Variants in GABBR2 observed in about 807,000 individuals in gnomAD.
The protein encoded by GABBR2 is G-protein coupled receptor 51.
GABBR2 carries 23 observed loss-of-function variants against 105.6 expected under a neutral mutation model. The observed-to-expected ratio is 0.22, with a 90% CI of 0.16 to 0.31. The LOEUF (loss-of-function observed/expected upper bound fraction) is 0.31, where lower values mean the gene tolerates loss of function less well. GABBR2 is among the 10% of genes least tolerant of loss of function. The pLI, the probability that GABBR2 is intolerant of heterozygous loss-of-function variation, is 1.00. For synonymous variants in GABBR2, 478 were observed against 499.7 expected (o/e 0.96, Z 0.58); for missense variants, 734 against 1,245.5 (o/e 0.59, Z 6.18).
chr9:98,517,194 C>A (rs1239897175), intron 3 of GABBR2, among the ~76,000 whole-genome samples: 1 of 152,222 alleles, frequency 6.6e-6, no homozygotes, highest in Non-Finnish European at 1.5e-5. Flanking sequence ...GCCTTCTGGT[C>A]TCTATTTGGG....
chr9:98,624,041 G>A (rs983665421), intron 1 of GABBR2, among the ~76,000 whole-genome samples: 1 of 152,178 alleles, frequency 6.6e-6, no homozygotes, highest in African/African-American at 2.4e-5. Flanking sequence ...CAAGCCCTCC[G>A]TCTGTCCTGT....
At position 98,536,199 on chromosome 9, in the gene GABBR2, G is replaced by A. The variant is rs947776365; in HGVS notation, c.630+5674C>T. Among the ~76,000 whole-genome samples the A allele has an allele frequency of 2.0e-5, 3 of 152,156 alleles. No individual in the cohort carries two copies. The East Asian group carries it at 5.8e-4, about 29-fold the overall frequency. ...GCACAAAGAGGCAAGTAATTCTCATGACCATGTCCCTGGGAGTGGCAGGAT... is the reference window on the plus strand; with the variant it reads ...GCACAAAGAGGCAAGTAATTCTCATAACCATGTCCCTGGGAGTGGCAGGAT... On this transcript the variant is annotated intron_variant, in intron 3 of 18. Transcript: ENST00000259455.
Position 98,483,974 on chromosome 9 carries a change from A to C in GABBR2, c.733-2977T>G, listed in dbSNP as rs571348618. On this transcript the variant is annotated intron_variant, in intron 4 of 18. Transcript: ENST00000259455. ...TCAACAAATATGTGTTGAATGCACG[A>C]TGAAGTGAATTAATCCAGTGTGCAG... 3.3e-5 allele frequency among the ~76,000 whole-genome samples: 5 copies of C among 152,342 alleles called. No homozygotes were observed. In the East Asian group the frequency reaches 9.7e-4, roughly 29 times the overall value.
chr9:98,329,349 C>T (rs775547831), intron 13 of GABBR2, among the ~76,000 whole-genome samples: 28 of 152,146 alleles, frequency 1.8e-4, no homozygotes, highest in African/African-American at 6.3e-4. Context: ...TTTCTTGGGT[C>T]GTTTCCGGCT....
chr9:98,349,344 GTTTTGTTTTTTTT>G lies in GABBR2; in HGVS notation c.1893+13358_1893+13370del, dbSNP rs1396436196. On this transcript the variant is annotated intron_variant, in intron 13 of 18. Transcript: ENST00000259455. ...TTTGGTTTGCCAATATTTTGTTGAA[GTTTTGTTTTTTTT>G]TTTTTTTTTTTTTTTTTTTTTTCGG... Among the ~76,000 whole-genome samples, 172 of 105,476 alleles carry G rather than the reference GTTTTGTTTTTTTT, an allele frequency of 1.6e-3. 11 individuals are homozygous for G. The highest frequency in any genetic ancestry group is 6.2e-3 in the African/African-American group (155 of 24,926). 69.2% of individuals were successfully genotyped at this position (105,476 alleles called of 152,430 possible).
rs778577033 is a variant in GABBR2, at chr9:98,385,649, T to C, written c.1653A>G (p.Thr551=). 6.2e-5 allele frequency: 100 copies of C among 1,613,510 alleles called. No individual in the cohort carries two copies. In the East Asian group the frequency reaches 2.0e-3, roughly 32 times the overall value. ...ATGCAGAATGACTTACGGTGCAAAG[T>C]GTTTCAAAGGTCTTTTCAGAGACAA... is the stretch of plus-strand genomic sequence containing the variant. ...GSFVSEKTFE[T]LCTVRTWILT... Residue 551 remains threonine (T), a synonymous_variant, in exon 11 of 19, where the codon ACA becomes ACG. Coordinates refer to ENST00000259455, the MANE Select transcript of GABBR2 (RefSeq NM_005458.8).
intron 7 of GABBR2, among the ~76,000 whole-genome samples, chr9:98,406,360 G>A (rs1026683809): frequency 6.6e-6 from 1 of 152,238 alleles, no homozygotes; most frequent in African/African-American, 2.4e-5. Context: ...AATCAATAAT[G>A]GAACTAACAC....
chr9:98,572,544 C>T (rs1164972842), intron 2 of GABBR2, among the ~76,000 whole-genome samples: 1 of 152,192 alleles, frequency 6.6e-6, no homozygotes, highest in Non-Finnish European at 1.5e-5. Context: ...ATCCCTTGGG[C>T]ACCTGTAGAC....
chr9:98,290,012 G>A lies in GABBR2; in HGVS notation c.*572C>T, dbSNP rs541947245. ...CGCAGCCCTCGGCCTGCCTGCTCCA[G>A]GGCTGTGCCTGTCTGCGCTCCTGCA... is the stretch of plus-strand genomic sequence containing the variant. On this transcript the variant is annotated 3_prime_UTR_variant, in exon 19 of 19. Coordinates refer to ENST00000259455, the MANE Select transcript of GABBR2 (RefSeq NM_005458.8). 6.6e-6 allele frequency: 1 copy of A among 152,488 alleles called. No homozygotes were observed. The highest frequency in any genetic ancestry group is 1.5e-5 in the Non-Finnish European group (1 of 68,116). The allele number at this position is 152,488 out of a possible 1,614,324, so 9.4% of individuals were successfully genotyped here.
intron 1 of GABBR2, among the ~76,000 whole-genome samples, chr9:98,625,041 C>T (rs550867784): frequency 4.6e-5 from 7 of 152,276 alleles, no homozygotes; most frequent in East Asian, 3.9e-4. Context: ...TGGCCACCTA[C>T]ACTCAGGAAG....
chr9:98,530,572 G>T (rs1828047510), intron 3 of GABBR2, among the ~76,000 whole-genome samples: 1 of 152,176 alleles, frequency 6.6e-6, no homozygotes, highest in African/African-American at 2.4e-5. Context: ...GAGCCCAGAA[G>T]TTCGAGACCA....
intron 13 of GABBR2, among the ~76,000 whole-genome samples, chr9:98,335,114 C>A (rs1831090361): frequency 6.6e-6 from 1 of 152,158 alleles, no homozygotes; most frequent in African/African-American, 2.4e-5. Context: ...GAAATAGAAA[C>A]CTCATAGAAA....
chr9:98,308,077 T>C (rs1019746955), intron 14 of GABBR2, among the ~76,000 whole-genome samples: 1 of 152,120 alleles, frequency 6.6e-6, no homozygotes, highest in African/African-American at 2.4e-5. Flanking sequence ...CTACTAAAAA[T>C]ATAAAAATTA....
chr9:98,565,529 G>A (rs1254037939), intron 2 of GABBR2, among the ~76,000 whole-genome samples: 2 of 152,184 alleles, frequency 1.3e-5, no homozygotes, highest in Non-Finnish European at 2.9e-5. Context: ...CCCACAAGGA[G>A]CAAGAGATAT....
chr9:98,452,184 C>T (rs1281072310), intron 7 of GABBR2, among the ~76,000 whole-genome samples: 3 of 152,244 alleles, frequency 2.0e-5, no homozygotes, highest in Non-Finnish European at 2.9e-5. Flanking sequence ...ATATAAGCCT[C>T]AGCACAGGCA....
At chr9:98,683,526 C>T (rs1830576897) in intron 1 of GABBR2, among the ~76,000 whole-genome samples, 2 of 152,166 alleles carry the variant, frequency 1.3e-5, no homozygotes, top group Non-Finnish European at 2.9e-5. Context: ...AAGCTCTCTA[C>T]AAATGTCCGA....
intron 2 of GABBR2, among the ~76,000 whole-genome samples, chr9:98,550,232 G>A (rs1028278170): frequency 1.2e-4 from 18 of 152,116 alleles, no homozygotes; most frequent in African/African-American, 4.1e-4. Context: ...TAAGAAAACC[G>A]AGGCTTAGAG....
chr9:98,542,673 C>T (rs1282927946), intron 2 of GABBR2, among the ~76,000 whole-genome samples: 1 of 152,104 alleles, frequency 6.6e-6, no homozygotes, highest in Non-Finnish European at 1.5e-5. Context: ...TTCCAAAAAA[C>T]ATTTTATCGG....
Position 98,611,408 on chromosome 9 carries a change from A to G in GABBR2, c.322-33336T>C, listed in dbSNP as rs150986964. On this transcript the variant is annotated intron_variant, in intron 1 of 18. Coordinates refer to ENST00000259455, the MANE Select transcript of GABBR2 (RefSeq NM_005458.8). ...ACTATTTCCTACTTGAGCTTCTCCA[A>G]CAATGAAAACTGCTATGGATTCCTT... is the stretch of plus-strand genomic sequence containing the variant. Among the ~76,000 whole-genome samples, 7 of 152,270 alleles carry G rather than the reference A, an allele frequency of 4.6e-5. No homozygotes were observed. In the East Asian group the frequency reaches 1.4e-3, roughly 29 times the overall value.
Sources: gnomAD v4.1 joint callset for allele counts (sites outside exome capture counted in the v4.1 genomes callset) on GRCh38, gnomAD v4.1.1 for gene constraint, MANE v1.5 for transcripts, NCBI Gene and HGNC (gene_info 2026-07-23, HGNC 2026-07-21) for gene names.